The following SCN10A variants were observed in gnomAD, a reference collection of about 807,000 sequenced individuals.
The protein encoded by SCN10A is sodium voltage-gated channel alpha subunit 10, also known as sodium channel protein type 10 subunit alpha.
In SCN10A, 162 loss-of-function variants were observed where a neutral mutation model predicts 170.7. The ratio of observed to expected loss-of-function variants is 0.95; its 90% confidence interval spans 0.84 to 1.08. The LOEUF (loss-of-function observed/expected upper bound fraction) is 1.08, where lower values mean the gene tolerates loss of function less well. Among genes scored for constraint, SCN10A ranks in the 50% least tolerant of loss-of-function variants. SCN10A has a pLI of 0.00. For synonymous variants in SCN10A, 985 were observed against 904.6 expected (o/e 1.09, Z -1.59); for missense variants, 2,527 against 2,436.9 (o/e 1.04, Z -0.78).
At chr3:38,810,652 G>C (rs1303240273) in intron 1 of SCN10A, among the ~76,000 whole-genome samples, 2 of 152,108 alleles carry the variant, frequency 1.3e-5, no homozygotes, top group Non-Finnish European at 2.9e-5. Flanking sequence ...TTTAATATCT[G>C]TCTGCCCCAC....
chr3:38,783,362 T>C (rs2064161293), intron 4 of SCN10A, among the ~76,000 whole-genome samples: 1 of 152,130 alleles, frequency 6.6e-6, no homozygotes, highest in Non-Finnish European at 1.5e-5. Context: ...TTTCTTGCCT[T>C]ACTTTATTGA....
At chr3:38,777,528 A>G (rs1259168872) in intron 4 of SCN10A, among the ~76,000 whole-genome samples, 1 of 152,120 alleles carries the variant, frequency 6.6e-6, no homozygotes, top group Non-Finnish European at 1.5e-5. Flanking sequence ...TCCTGTGGTG[A>G]TAAATCAATT....
At chr3:38,778,053 A>G (rs964768393) in intron 4 of SCN10A, among the ~76,000 whole-genome samples, 1 of 152,126 alleles carries the variant, frequency 6.6e-6, no homozygotes, top group African/African-American at 2.4e-5. Context: ...TCCCAAAAAC[A>G]TAATTTTAAA....
intron 1 of SCN10A, among the ~76,000 whole-genome samples, chr3:38,800,881 T>G (rs548791804): frequency 6.6e-6 from 1 of 152,306 alleles, no homozygotes; most frequent in South Asian, 2.1e-4. Context: ...GACTTGAATT[T>G]CTGAGATCTG....
At chr3:38,747,883 T>G (rs745420346) in intron 13 of SCN10A, among the ~76,000 whole-genome samples, 2 of 152,206 alleles carry the variant, frequency 1.3e-5, no homozygotes, top group Non-Finnish European at 2.9e-5. Flanking sequence ...TTTCCTACTT[T>G]ATTTTTTCTC....
chr3:38,814,444 G>T (rs1458751226), intron 1 of SCN10A, among the ~76,000 whole-genome samples: 2 of 152,184 alleles, frequency 1.3e-5, no homozygotes, highest in East Asian at 3.8e-4. Context: ...TTCTTGACTT[G>T]ATTGGGTGCT....
chr3:38,757,860 G>A (rs976638602), intron 8 of SCN10A, among the ~76,000 whole-genome samples: 1 of 152,138 alleles, frequency 6.6e-6, no homozygotes, highest in African/African-American at 2.4e-5. Context: ...GTATTGAGGT[G>A]GGAATGCTGA....
In SCN10A at chr3:38,697,025, G is replaced by A. The variant is rs2063095921; in HGVS notation, c.*324C>T. 3.0e-6 allele frequency: 1 copy of A among 327,974 alleles called. No homozygotes were observed. Among genetic ancestry groups the A allele is most frequent in the Non-Finnish European group, 5.7e-6 (1 of 175,126 alleles). The allele number at this position is 327,974 out of a possible 1,614,324, so 20.3% of individuals were successfully genotyped here. On this transcript the variant is annotated 3_prime_UTR_variant, in exon 28 of 28. Transcript: ENST00000449082. ...ATATCTTTGGAAGTTCTGGTCCTGA[G>A]AAGTTTGTCTCAGTAAATATAATCT...
intron 26 of SCN10A, among the ~76,000 whole-genome samples, chr3:38,705,281 G>A (rs1282480017): frequency 1.3e-5 from 2 of 152,026 alleles, no homozygotes; most frequent in African/African-American, 2.4e-5. Context: ...GGAGAGCCAC[G>A]TTCCTCCACT....
chr3:38,726,561 G>T, intron 17 of SCN10A, 45 bp downstream of exon 17: 1 of 1,470,384 alleles, frequency 6.8e-7, no homozygotes, highest in Non-Finnish European at 9.2e-7. Flanking sequence ...AAGCCCTGAA[G>T]CCCCTCCCCA....
Position 38,792,113 on chromosome 3 carries a change from G to A in SCN10A, c.326C>T (p.Ala109Val). 2 of 1,613,880 alleles carry A rather than the reference G, an allele frequency of 1.2e-6. No homozygotes were observed. Among genetic ancestry groups the A allele is most frequent in the Non-Finnish European group, 1.7e-6 (2 of 1,179,836 alleles). Residue 109 changes from alanine to valine, a missense_variant, in exon 3 of 28, where the codon GCC becomes GTC. Transcript: ENST00000449082. ...GTTGAAAGGACTGAATAGCCACAGG[G>A]CCCGAGTGGCACTAAACCGGGAAAT... ...RTISRFSATR[A>V]LWLFSPFNLI... is the part of the protein sequence containing the mutation.
At chr3:38,766,404 G>A (rs546124690) in intron 5 of SCN10A, among the ~76,000 whole-genome samples, 1 of 152,222 alleles carries the variant, frequency 6.6e-6, no homozygotes, top group African/African-American at 2.4e-5. Flanking sequence ...CTTGGAGTAT[G>A]TCCCTTCTAT....
intron 1 of SCN10A, 82 bp from the exon 2 acceptor site, chr3:38,794,124 C>T: frequency 1.0e-6 from 1 of 970,914 alleles, no homozygotes; most frequent in Non-Finnish European, 1.6e-6. Context: ...TCTTGATTGT[C>T]AGAACAGCCC....
At chr3:38,768,003 T>C (rs1383919969) in intron 5 of SCN10A, among the ~76,000 whole-genome samples, 1 of 152,100 alleles carries the variant, frequency 6.6e-6, no homozygotes, top group East Asian at 1.9e-4. Flanking sequence ...CCTCTTTGTC[T>C]TTTTTTAACT....
In SCN10A at chr3:38,723,942, G is replaced by A. The variant is rs187345429; in HGVS notation, c.3229-389C>T. Among the ~76,000 whole-genome samples, 451 of 152,328 alleles carry A rather than the reference G, an allele frequency of 3.0e-3. 2 individuals are homozygous for A. Among genetic ancestry groups the A allele is most frequent in the Admixed American group, 6.1e-3 (94 of 15,310 alleles). On this transcript the variant is annotated intron_variant, in intron 18 of 27. Coordinates refer to ENST00000449082, the MANE Select transcript of SCN10A (RefSeq NM_006514.4). ...TAGTAAACCTGATAGCTTTGCTAAT[G>A]GACCCAAATGGTGGGGCGGGTCCCC... is the stretch of plus-strand genomic sequence containing the variant.
intron 8 of SCN10A, among the ~76,000 whole-genome samples, chr3:38,758,807 C>T (rs1050842126): frequency 6.6e-6 from 1 of 152,190 alleles, no homozygotes; most frequent in Non-Finnish European, 1.5e-5. Context: ...GCAGGCCTGG[C>T]CTCTCAGGGA....
intron 4 of SCN10A, among the ~76,000 whole-genome samples, chr3:38,772,724 CAAAAACAAA>C (rs1389687816): frequency 5.2e-4 from 63 of 121,888 alleles, no homozygotes; most frequent in Middle Eastern, 4.4e-3. Flanking sequence ...ACAACAACAA[CAAAAACAAA>C]AACAAAAAAA....
chr3:38,807,721 A>C (rs1400241866), intron 1 of SCN10A, among the ~76,000 whole-genome samples: 3 of 151,794 alleles, frequency 2.0e-5, no homozygotes, highest in African/African-American at 7.3e-5. Context: ...CTGACTATCC[A>C]CCTGTTCTTT....
chr3:38,714,820 A>G (rs1369334705), intron 21 of SCN10A, among the ~76,000 whole-genome samples: 1 of 152,142 alleles, frequency 6.6e-6, no homozygotes, highest in East Asian at 1.9e-4. Context: ...AAGGACAGAA[A>G]CTTACATGAA....
Sources: allele counts gnomAD v4.1 joint callset (sites outside exome capture counted in the v4.1 genomes callset), GRCh38; gene constraint gnomAD v4.1.1; transcripts MANE v1.5; gene names NCBI Gene and HGNC (gene_info 2026-07-23, HGNC 2026-07-21).